CAPN3: variants seen among roughly 807,000 people sequenced by gnomAD.
CAPN3 encodes the protein calpain 3.
Under a neutral mutation model 114.0 loss-of-function variants are expected in CAPN3, and 88 were observed. The ratio of observed to expected loss-of-function variants is 0.77; its 90% CI spans 0.65 to 0.92. CAPN3 has a LOEUF of 0.92. Among genes scored for constraint, CAPN3 ranks in the 40% least tolerant of loss-of-function variants. The pLI is 0.00. For synonymous variants in CAPN3, 386 were observed against 382.9 expected (o/e 1.01, Z -0.09); for missense variants, 1,028 against 1,069.0 (o/e 0.96, Z 0.53).
intron 1 of CAPN3, among the ~76,000 whole-genome samples, chr15:42,369,078 A>G (rs1357007299): frequency 6.6e-6 from 1 of 152,168 alleles, no homozygotes; most frequent in African/African-American, 2.4e-5. Flanking sequence ...AAGTGTATTT[A>G]AGGGTTCAGG....
At position 42,402,993 on chromosome 15, in the gene CAPN3, A is replaced by G; in HGVS notation, c.1736A>G (p.Asn579Ser). ...FILRVFSEKR[N>S]LSEEVENTIS... The stretch of plus-strand genomic sequence containing the variant: ...CTCCGGGTCTTCTCTGAAAAGAGGA[A>G]CCTCTCTGAGTGAGTGCTGGCCCAG... Residue 579 changes from asparagine to serine, a missense_variant, in exon 13 of 24, where the codon AAC becomes AGC. Transcript: ENST00000397163. 1.2e-6 allele frequency: 2 copies of G among 1,613,710 alleles called. No individual in the cohort carries two copies. Among genetic ancestry groups the G allele is most frequent in the Non-Finnish European group, 1.7e-6 (2 of 1,179,820 alleles).
At chr15:42,382,149 A>G (rs1489997736) in intron 1 of CAPN3, among the ~76,000 whole-genome samples, 1 of 152,130 alleles carries the variant, frequency 6.6e-6, no homozygotes, top group African/African-American at 2.4e-5. Flanking sequence ...AAAGTCTGAT[A>G]ATAATCTAAT....
In CAPN3 at chr15:42,360,057, G is replaced by A; in HGVS notation, c.252G>A (p.Glu84=). The stretch of plus-strand genomic sequence containing the variant: ...TGGACCCTGAGTTCCCACCGGATGA[G>A]ACCTCTCTCTTTTATAGCCAGAAGT... ...LYVDPEFPPD[E]TSLFYSQKFP... The change falls in exon 1 of 24, where the codon GAG becomes GAA. Residue 84 remains glutamate (E), a synonymous_variant. Transcript: ENST00000397163. 6.2e-7 allele frequency: 1 copy of A among 1,614,224 alleles called. No homozygotes were observed. Among genetic ancestry groups the A allele is most frequent in the Non-Finnish European group, 8.5e-7 (1 of 1,180,016 alleles).
At chr15:42,371,826 T>A (rs530273467) in intron 1 of CAPN3, among the ~76,000 whole-genome samples, 1 of 151,870 alleles carries the variant, frequency 6.6e-6, no homozygotes, top group Non-Finnish European at 1.5e-5. Flanking sequence ...TAGCTGGACA[T>A]AGTGGCGGGA....
rs181654424 is a variant in CAPN3, at chr15:42,372,381, A to G, written c.310-12102A>G. On this transcript the variant is annotated intron_variant, in intron 1 of 23. Transcript: ENST00000397163. ...ACCATGTTGGTCAGGCTAGTCTCAA[A>G]CTCTTGACCTCAGGTGACCCCCTAC... Among the ~76,000 whole-genome samples, 338 of 152,116 alleles carry G rather than the reference A, an allele frequency of 2.2e-3. 1 individual carries two copies. The highest frequency in any genetic ancestry group is 7.9e-3 in the African/African-American group (327 of 41,494).
chr15:42,405,756 T>G (rs754371552), intron 14 of CAPN3, among the ~76,000 whole-genome samples, 170 bp from the exon 15 acceptor site: 2 of 152,056 alleles, frequency 1.3e-5, no homozygotes, highest in Non-Finnish European at 2.9e-5. Flanking sequence ...AGAATTCTCT[T>G]CTCCCTTCAC....
intron 9 of CAPN3, among the ~76,000 whole-genome samples, chr15:42,398,693 ATGTGTG>A (rs143819606): frequency 8.4e-5 from 12 of 142,720 alleles, no homozygotes; most frequent in African/African-American, 3.1e-4. Flanking sequence ...CTGTATATAT[ATGTGTG>A]TGTGTATATA....
chr15:42,391,405 C>G (rs2053553024), intron 6 of CAPN3, among the ~76,000 whole-genome samples: 1 of 152,004 alleles, frequency 6.6e-6, no homozygotes, highest in African/African-American at 2.4e-5. Context: ...CTTCCTAGGT[C>G]TAGAACTAAG....
chr15:42,411,239 G>C lies in CAPN3; in HGVS notation c.2381-48G>C, dbSNP rs777836980. On this transcript the variant is annotated intron_variant, in intron 22 of 23. Coordinates refer to ENST00000397163, the MANE Select transcript of CAPN3 (RefSeq NM_000070.3). ...TCTGAGGGGAAGTTACAGTAGTAGAGGCGGAGTGCGCCTGTAACTGGCCTC... is the reference window on the plus strand; with the variant it reads ...TCTGAGGGGAAGTTACAGTAGTAGACGCGGAGTGCGCCTGTAACTGGCCTC... The C allele has an allele frequency of 2.7e-6, 4 of 1,499,292 alleles. No homozygotes were observed. In the African/African-American group the frequency reaches 5.5e-5, roughly 21 times the overall value. The allele number at this position is 1,499,292 out of a possible 1,614,324, so 92.9% of individuals were successfully genotyped here.
intron 1 of CAPN3, among the ~76,000 whole-genome samples, chr15:42,362,140 A>G (rs982895950): frequency 6.6e-6 from 1 of 152,156 alleles, no homozygotes. Context: ...TGGGCCAGAC[A>G]TGGAGGCTCA....
intron 19 of CAPN3, 79 bp downstream of exon 19, chr15:42,410,074 G>A: frequency 7.7e-7 from 1 of 1,298,658 alleles, no homozygotes; most frequent in Middle Eastern, 2.6e-4. Flanking sequence ...TGCCCAGTCA[G>A]GCAAAGGGCC....
intron 1 of CAPN3, among the ~76,000 whole-genome samples, chr15:42,375,059 G>C (rs1025110930): frequency 3.3e-5 from 5 of 150,038 alleles, no homozygotes; most frequent in African/African-American, 1.2e-4. Flanking sequence ...TCACTATGTT[G>C]CCCAGGCTGG....
At chr15:42,365,567 A>G (rs1443724989) in intron 1 of CAPN3, among the ~76,000 whole-genome samples, 12 of 151,774 alleles carry the variant, frequency 7.9e-5, no homozygotes, top group Admixed American at 7.9e-4. Context: ...AGCTCCAGCT[A>G]TGGGTCTTTT....
chr15:42,388,786 A>G (rs1391507349), intron 4 of CAPN3, 142 bp from the exon 5 acceptor site: 9 of 795,018 alleles, frequency 1.1e-5, no homozygotes, highest in Non-Finnish European at 1.3e-5. Context: ...CATTGTTTCC[A>G]TCCCATGAGC....
intron 16 of CAPN3, chr15:42,408,587 A>C: frequency 2.2e-6 from 1 of 451,058 alleles, no homozygotes; most frequent in Non-Finnish European, 4.2e-6. Flanking sequence ...CAGGATACAG[A>C]GAAGGGGAGG....
chr15:42,377,637 G>C (rs970094773), intron 1 of CAPN3, among the ~76,000 whole-genome samples: 6 of 152,230 alleles, frequency 3.9e-5, no homozygotes, highest in African/African-American at 1.4e-4. Context: ...TCCTTTATTA[G>C]AGTATCTTTT....
chr15:42,373,539 G>A (rs1268229291), intron 1 of CAPN3, among the ~76,000 whole-genome samples: 1 of 152,214 alleles, frequency 6.6e-6, no homozygotes, highest in Non-Finnish European at 1.5e-5. Flanking sequence ...CACAGTGAAA[G>A]TTGAAAAGGC....
At chr15:42,399,383 A>C in intron 9 of CAPN3, 109 bp from the exon 10 acceptor site, 2 of 897,378 alleles carry the variant, frequency 2.2e-6, no homozygotes, top group East Asian at 2.4e-5. Flanking sequence ...ACCCTGACCA[A>C]GTTCCTGTGA....
rs2054270701 is a variant in CAPN3 at position 42,412,013 on chromosome 15, T to C, written c.*240T>C. 2 of 1,507,836 alleles carry C rather than the reference T, an allele frequency of 1.3e-6. No individual in the cohort carries two copies. The highest frequency in any genetic ancestry group is 4.9e-5 in the East Asian group (2 of 40,714). 93.4% of individuals were successfully genotyped at this position (1,507,836 alleles called of 1,614,324 possible). A position where few individuals can be genotyped will look rare whatever the true frequency, so the allele number is the denominator to read the frequency against. ...AACAAACCCTTGTCCCTTTGCCATG[T>C]GGAGGAAAGTGCCTGCCTCTGGTCC... On this transcript the variant is annotated 3_prime_UTR_variant, in exon 24 of 24. Transcript: ENST00000397163.
Sources: gnomAD v4.1 joint callset for allele counts (sites outside exome capture counted in the v4.1 genomes callset) on GRCh38, gnomAD v4.1.1 for gene constraint, MANE v1.5 for transcripts, NCBI Gene and HGNC (gene_info 2026-07-23, HGNC 2026-07-21) for gene names.